STK3: variants seen among roughly 807,000 people sequenced by gnomAD.
STK3 encodes serine/threonine kinase 3.
A neutral mutation model predicts 58.0 loss-of-function variants in STK3; 41 were observed. The observed-to-expected ratio is 0.71, with a 90% confidence interval of 0.55 to 0.92. STK3 has a LOEUF of 0.92. Among genes scored for constraint, STK3 ranks in the 40% least tolerant of loss-of-function variants. The probability of loss-of-function intolerance (pLI) is 0.00; values close to 1 mark genes in which losing one functional copy is unlikely to be tolerated. For synonymous variants in STK3, 170 were observed against 191.0 expected (o/e 0.89, Z 0.91); for missense variants, 479 against 602.7 (o/e 0.79, Z 2.15).
At chr8:98,421,300 C>T (rs1389818513) in intron 3 of STK3, among the ~76,000 whole-genome samples, 1 of 152,164 alleles carries the variant, frequency 6.6e-6, no homozygotes, top group Non-Finnish European at 1.5e-5. Context: ...CCCTGGGCCT[C>T]AACTTCTGCA....
chr8:98,782,376 A>C (rs538921335), intron 1 of STK3: 1 of 213,104 alleles, frequency 4.7e-6, no homozygotes, highest in East Asian at 1.2e-4. Flanking sequence ...CTGTGAATCT[A>C]AAAAGACTGA....
downstream of STK3, chr8:98,881,251 A>G (rs1233248999): frequency 6.6e-6 from 1 of 152,240 alleles, no homozygotes; most frequent in Non-Finnish European, 1.5e-5. Context: ...AATGCATATT[A>G]CTAAGTGAAA....
At chr8:98,540,783 C>G (rs915250128) in intron 9 of STK3, among the ~76,000 whole-genome samples, 2 of 151,474 alleles carry the variant, frequency 1.3e-5, no homozygotes, top group South Asian at 4.2e-4. Context: ...TGCACTCTTT[C>G]GCAACTGGGG....
At chr8:98,361,368 GCATAGGCT>G in the STK3 span, among the ~76,000 whole-genome samples, 6 of 152,154 alleles carry the variant, frequency 3.9e-5, no homozygotes, top group African/African-American at 1.4e-4. Flanking sequence ...GTGGTTAAGG[GCATAGGCT>G]CTGGTGCTGG....
At chr8:98,714,283 A>C (rs1317643803) in intron 4 of STK3, among the ~76,000 whole-genome samples, 1 of 152,222 alleles carries the variant, frequency 6.6e-6, no homozygotes, top group Non-Finnish European at 1.5e-5. Context: ...TGGTCAGGGC[A>C]ATTAGGCAGG....
At chr8:98,571,117 G>T (rs1387727501) in intron 8 of STK3, among the ~76,000 whole-genome samples, 1 of 152,140 alleles carries the variant, frequency 6.6e-6, no homozygotes, top group Non-Finnish European at 1.5e-5. Context: ...ATCACTTGAG[G>T]TCAGGAGTTC....
intron 3 of STK3, among the ~76,000 whole-genome samples, chr8:98,416,659 C>T (rs970551272): frequency 2.0e-5 from 3 of 152,170 alleles, no homozygotes; most frequent in Non-Finnish European, 4.4e-5. Flanking sequence ...ATACCTAGAG[C>T]CTCCGTCATT....
downstream of STK3, among the ~76,000 whole-genome samples, chr8:98,452,614 G>T (rs1488031190): frequency 6.6e-6 from 1 of 152,144 alleles, no homozygotes; most frequent in Non-Finnish European, 1.5e-5. Flanking sequence ...AAAGGATGAG[G>T]TGTGCAGAAA....
At position 98,795,862 on chromosome 8, in the gene STK3, A is replaced by C. The variant is rs534080776; in HGVS notation, c.27-21043T>G. 8.1e-5 allele frequency among the ~76,000 whole-genome samples: 12 copies of C among 147,498 alleles called. No homozygotes were observed. In the East Asian group the frequency reaches 2.0e-3, roughly 24 times the overall value. ...AATACAATACAATACAATACAATAC[A>C]ATACCTAGGAATACATCTAACCAAG... is the stretch of plus-strand genomic sequence containing the variant. On this transcript the variant is annotated intron_variant, in intron 1 of 10. Transcript: ENST00000419617.
chr8:98,390,068 C>T (rs916771683), upstream of STK3, among the ~76,000 whole-genome samples: 6 of 152,058 alleles, frequency 3.9e-5, no homozygotes, highest in African/African-American at 1.4e-4. Context: ...AATTGGAATA[C>T]CTTTGCATTT....
chr8:98,858,605 A>G (rs958436390), intron 3 of STK3, among the ~76,000 whole-genome samples: 1 of 150,696 alleles, frequency 6.6e-6, no homozygotes, highest in African/African-American at 2.4e-5. Context: ...TAAAAGGGAG[A>G]TATCTGGGCC....
intron 9 of STK3, among the ~76,000 whole-genome samples, chr8:98,528,517 G>A (rs909471425): frequency 6.6e-6 from 1 of 151,390 alleles, no homozygotes; most frequent in Non-Finnish European, 1.5e-5. Flanking sequence ...ATGGAGTTTC[G>A]CTCTTGTTGT....
chr8:98,609,086 C>G (rs555846109), intron 6 of STK3, among the ~76,000 whole-genome samples: 1 of 152,248 alleles, frequency 6.6e-6, no homozygotes, highest in African/African-American at 2.4e-5. Flanking sequence ...AGAAAATACA[C>G]AACCACAACC....
At position 98,610,571 on chromosome 8, in the gene STK3, C is replaced by T. The variant is rs144583431; in HGVS notation, c.685-14402G>A. Among the ~76,000 whole-genome samples the T allele has an allele frequency of 1.7e-4, 26 of 152,328 alleles. No individual in the cohort carries two copies. In the East Asian group the frequency reaches 4.8e-3, roughly 28 times the overall value. ...ATCCCAGTGCCCCCACCACCATATG[C>T]CACCCTTGCAATAGCTGTGTCTTGT... On this transcript the variant is annotated intron_variant, in intron 6 of 10. Transcript: ENST00000419617.
intron 3 of STK3, among the ~76,000 whole-genome samples, chr8:98,841,519 C>CAA (rs1835980288): frequency 1.6e-4 from 24 of 150,626 alleles, no homozygotes; most frequent in Admixed American, 1.6e-3. Flanking sequence ...CTTAAGAACT[C>CAA]TAAAAAAAGA....
intron 1 of STK3, among the ~76,000 whole-genome samples, chr8:98,445,495 T>C (rs1187719628): frequency 1.3e-5 from 2 of 152,198 alleles, no homozygotes; most frequent in Non-Finnish European, 2.9e-5. Flanking sequence ...ATTATTGAGA[T>C]ATTTTACTTT....
intron 1 of STK3, among the ~76,000 whole-genome samples, chr8:98,937,605 G>A (rs1424913309): frequency 1.3e-5 from 2 of 152,148 alleles, no homozygotes; most frequent in Admixed American, 6.5e-5. Context: ...AAAGTTCAAG[G>A]TTTCAAACAA....
At chr8:98,429,010 C>T in intron 3 of STK3, 1 of 1,614,102 alleles carries the variant, frequency 6.2e-7, no homozygotes, top group Non-Finnish European at 8.5e-7. Flanking sequence ...TCCATCTTCT[C>T]CGTGGTGGCC....
At chr8:98,676,035 T>C (rs1279735893) in intron 6 of STK3, among the ~76,000 whole-genome samples, 1 of 152,190 alleles carries the variant, frequency 6.6e-6, no homozygotes, top group Non-Finnish European at 1.5e-5. Context: ...ATAAAAAGGA[T>C]ATGAAATTCT....
Sources: allele counts gnomAD v4.1 joint callset (sites outside exome capture counted in the v4.1 genomes callset), GRCh38; gene constraint gnomAD v4.1.1; transcripts MANE v1.5; gene names NCBI Gene and HGNC (gene_info 2026-07-23, HGNC 2026-07-21).